Variants in ATG7 observed in about 807,000 individuals in gnomAD.
The protein encoded by ATG7 is ubiquitin-like modifier-activating enzyme ATG7.
In ATG7, 70 loss-of-function variants were observed where a neutral mutation model predicts 82.4. The ratio of observed to expected loss-of-function variants is 0.85; its 90% CI spans 0.70 to 1.04. The LOEUF (loss-of-function observed/expected upper bound fraction) is 1.04. Ranked by LOEUF, ATG7 falls within the 50% of genes least tolerant of loss-of-function variation. The probability of loss-of-function intolerance (pLI) is 0.00; values close to 1 mark genes in which losing one functional copy is unlikely to be tolerated. For missense variants in ATG7, 792 were observed against 864.3 expected (o/e 0.92, Z 1.05); for synonymous variants, 287 against 313.0 (o/e 0.92, Z 0.88).
intron 19 of ATG7, among the ~76,000 whole-genome samples, chr3:11,389,923 T>C (rs1356526709): frequency 2.0e-5 from 3 of 152,232 alleles, no homozygotes; most frequent in African/African-American, 7.2e-5. Flanking sequence ...ATTTTTGTGT[T>C]ATGTGCGAAG....
chr3:11,379,936 G>A, intron 18 of ATG7, 36 bp from the exon 19 acceptor site: 1 of 1,595,376 alleles, frequency 6.3e-7, no homozygotes. Context: ...GTCGTTGTGT[G>A]TTTGATGTGA....
intron 20 of ATG7, among the ~76,000 whole-genome samples, chr3:11,430,121 A>G (rs910081669): frequency 6.6e-6 from 1 of 152,078 alleles, no homozygotes; most frequent in African/African-American, 2.4e-5. Flanking sequence ...GACCCTTAAT[A>G]GGTATTTGAG....
At chr3:11,364,812 GC>G in intron 18 of ATG7, 78 bp downstream of exon 18, 1 of 1,489,992 alleles carries the variant, frequency 6.7e-7, no homozygotes, top group Non-Finnish European at 9.3e-7. Context: ...CATTCCATCT[GC>G]CCAGCCCACT....
chr3:11,307,089 C>A, intron 6 of ATG7, 29 bp downstream of exon 6: 2 of 1,584,404 alleles, frequency 1.3e-6, no homozygotes, highest in South Asian at 2.2e-5. Flanking sequence ...ATGTATGTGT[C>A]ATATTTCCTG....
At chr3:11,561,500 G>T (rs1448889759), downstream of ATG7, among the ~76,000 whole-genome samples, 1 of 152,172 alleles carries the variant, frequency 6.6e-6, no homozygotes, top group Non-Finnish European at 1.5e-5. Context: ...CCAGGCTGCA[G>T]GGTGGCCCGT....
At chr3:11,534,353 G>A (rs1291269718) in intron 20 of ATG7, among the ~76,000 whole-genome samples, 1 of 152,352 alleles carries the variant, frequency 6.6e-6, no homozygotes, top group South Asian at 2.1e-4. Context: ...GCTTGCCAAG[G>A]TAAAGAAGGG....
chr3:11,558,784 C>T (rs779056041), downstream of ATG7: 1 of 1,613,856 alleles, frequency 6.2e-7, no homozygotes, highest in African/African-American at 1.3e-5. Context: ...TGCCCAGGCT[C>T]CTGCGGAAAT....
chr3:11,330,185 C>G (rs531429475), intron 9 of ATG7, among the ~76,000 whole-genome samples: 2 of 152,170 alleles, frequency 1.3e-5, no homozygotes, highest in Non-Finnish European at 2.9e-5. Flanking sequence ...TGCCAGGTTT[C>G]TCCACTGTAA....
intron 20 of ATG7, among the ~76,000 whole-genome samples, chr3:11,476,266 C>G (rs1462510873): frequency 5.3e-5 from 8 of 152,174 alleles, no homozygotes; most frequent in Non-Finnish European, 1.2e-4. Context: ...TCCCAGCATT[C>G]ATTCACTCTA....
chr3:11,374,118 C>G (rs1262385183), intron 18 of ATG7, among the ~76,000 whole-genome samples: 1 of 152,140 alleles, frequency 6.6e-6, no homozygotes, highest in African/African-American at 2.4e-5. Flanking sequence ...TCCTCAAATT[C>G]ATATGGAAGT....
chr3:11,374,276 A>G (rs757727305), intron 18 of ATG7, among the ~76,000 whole-genome samples: 1 of 152,254 alleles, frequency 6.6e-6, no homozygotes, highest in African/African-American at 2.4e-5. Context: ...ATCAATGGAA[A>G]GAATTGAGAA....
chr3:11,500,909 G>T (rs1039567426), intron 20 of ATG7, among the ~76,000 whole-genome samples: 1 of 152,200 alleles, frequency 6.6e-6, no homozygotes, highest in Non-Finnish European at 1.5e-5. Flanking sequence ...GATTACAGGC[G>T]TGAGCCACTG....
chr3:11,502,228 TTTA>T (rs1375075429), intron 20 of ATG7, among the ~76,000 whole-genome samples: 109 of 151,962 alleles, frequency 7.2e-4, no homozygotes, highest in African/African-American at 2.4e-3. Context: ...TAATTTATTT[TTTA>T]TTATTATTAT....
chr3:11,476,266 C>T (rs1462510873), intron 20 of ATG7, among the ~76,000 whole-genome samples: 2 of 152,174 alleles, frequency 1.3e-5, no homozygotes, highest in Non-Finnish European at 2.9e-5. Flanking sequence ...TCCCAGCATT[C>T]ATTCACTCTA....
In ATG7 at chr3:11,332,965, A is replaced by G. The variant is rs1316112738; in HGVS notation, c.768-7A>G. The G allele has an allele frequency of 1.4e-6, 2 of 1,470,964 alleles. No individual in the cohort carries two copies. The highest frequency in any genetic ancestry group is 2.9e-5 in the African/African-American group (2 of 68,116). The allele number at this position is 1,470,964 out of a possible 1,614,324, so 91.1% of individuals were successfully genotyped here. On this transcript the variant is annotated splice_region_variant and splice_polypyrimidine_tract_variant and intron_variant, in intron 10 of 20. Transcript: ENST00000693202. ...ATAAATAAATAAAAATCCGGGCATGACAACAGGAGTAGCAGTTTCCAGTCT... is the reference window on the plus strand; with the variant it reads ...ATAAATAAATAAAAATCCGGGCATGGCAACAGGAGTAGCAGTTTCCAGTCT...
intron 7 of ATG7, 83 bp downstream of exon 7, chr3:11,309,144 T>C: frequency 7.7e-7 from 1 of 1,295,782 alleles, no homozygotes; most frequent in East Asian, 2.3e-5. Flanking sequence ...AGTCTGCTCT[T>C]CTCTCCGAAG....
chr3:11,279,451 C>T (rs963399798), intron 1 of ATG7, among the ~76,000 whole-genome samples: 8 of 152,060 alleles, frequency 5.3e-5, no homozygotes, highest in African/African-American at 9.7e-5. Flanking sequence ...TTTGGGAGGC[C>T]GAGGCGGGTG....
intron 20 of ATG7, among the ~76,000 whole-genome samples, chr3:11,550,344 T>C (rs2071659061): frequency 6.6e-6 from 1 of 152,182 alleles, no homozygotes; most frequent in Non-Finnish European, 1.5e-5. Flanking sequence ...TTCTGAGAAC[T>C]GGCCGTGTCT....
intron 14 of ATG7, among the ~76,000 whole-genome samples, chr3:11,353,004 A>G (rs2075676448): frequency 6.6e-6 from 1 of 152,212 alleles, no homozygotes; most frequent in Non-Finnish European, 1.5e-5. Context: ...AAAGTTAGAA[A>G]GATTGGTTTT....
Sources: allele counts gnomAD v4.1 joint callset (sites outside exome capture counted in the v4.1 genomes callset), GRCh38; gene constraint gnomAD v4.1.1; transcripts MANE v1.5; gene names NCBI Gene and HGNC (gene_info 2026-07-23, HGNC 2026-07-21).